PCDH19: variants seen among roughly 807,000 people sequenced by gnomAD.
PCDH19 encodes protocadherin-19.
In PCDH19, 6 loss-of-function variants were observed where a neutral mutation model predicts 46.2. That is an observed-to-expected ratio of 0.13 (90% CI 0.07 to 0.26). The LOEUF (loss-of-function observed/expected upper bound fraction) is 0.26, where lower values mean the gene tolerates loss of function less well. Ranked by LOEUF, PCDH19 falls within the 10% of genes least tolerant of loss-of-function variation. PCDH19 has a pLI of 1.00. For missense variants in PCDH19, 740 were observed against 972.3 expected, an observed-to-expected ratio of 0.76 and a Z score of 3.18; for synonymous variants, 481 against 415.7, an observed-to-expected ratio of 1.16 and a Z score of -1.91.
intron 3 of PCDH19, among the ~76,000 whole-genome samples, chrX:100,353,219 T>C (rs1322449646): frequency 8.9e-6 from 1 of 111,840 alleles, no homozygotes. Context: ...AACTAAATCA[T>C]TTTTTCAAGA....
chrX:100,394,883 ATTT>A (rs139332001), intron 3 of PCDH19, among the ~76,000 whole-genome samples: 1 of 71,571 alleles, frequency 1.4e-5, no homozygotes. Flanking sequence ...GAGGAATCTA[ATTT>A]TTTTTTTTTT....
Position 100,371,437 on chromosome X carries a change from T to A in PCDH19, c.2617-20733A>T, listed in dbSNP as rs189016040. ...GGCAAGTGTGTTTTGTCCTTAAATG[T>A]GTATTCTATACCTGGTAGGATATAA... On this transcript the variant is annotated intron_variant, in intron 3 of 5. Transcript: ENST00000373034. Among the ~76,000 whole-genome samples, 34 of 111,681 alleles carry A rather than the reference T, an allele frequency of 3.0e-4. No homozygotes were observed. In the East Asian group the frequency reaches 9.6e-3, roughly 31 times the overall value.
intron 3 of PCDH19, among the ~76,000 whole-genome samples, chrX:100,360,690 AC>A (rs1236571506): frequency 8.9e-6 from 1 of 111,959 alleles, no homozygotes; most frequent in African/African-American, 3.3e-5. Context: ...TCTAATTATG[AC>A]TGTAGTAAAT....
Position 100,296,759 on chromosome X carries a change from T to G in PCDH19, c.2965A>C (p.Asn989His), listed in dbSNP as rs201611496. ...GCTTCAATAGACAGCGCGATGATGT[T>G]CCTCACATGCTCAGGGGACTTGGAA... ...IRSKSPEHVRNIIALSIEATA... is the reference protein window; with the variant it reads ...IRSKSPEHVRHIIALSIEATA... Residue 989 changes from asparagine (N) to histidine (H), a missense_variant, in exon 6 of 6, where the codon AAC (asparagine) becomes CAC (histidine). Physicochemically the swap from Asn to His is moderately conservative, Grantham distance 68. Around this residue, in one of 5 missense-constraint regions of PCDH19, gnomAD observed 416 missense variants for 476.8 expected, o/e 0.87. Coordinates refer to ENST00000373034, the MANE Select transcript of PCDH19 (RefSeq NM_001184880.2). 170 of 1,209,314 alleles carry G rather than the reference T, an allele frequency of 1.4e-4. 1 individual carries two copies. The highest frequency in any genetic ancestry group is 1.8e-4 in the Non-Finnish European group (158 of 894,846).
chrX:100,305,336 T>C (rs775942396), intron 5 of PCDH19, among the ~76,000 whole-genome samples: 1 of 111,671 alleles, frequency 9.0e-6, no homozygotes, highest in African/African-American at 3.2e-5. Flanking sequence ...GCTTAATAAA[T>C]GAAGGAAAGA....
intron 5 of PCDH19, among the ~76,000 whole-genome samples, chrX:100,299,749 G>A (rs181791444): frequency 8.9e-6 from 1 of 111,997 alleles, no homozygotes; most frequent in East Asian, 2.8e-4. Context: ...ATCAGTCTAA[G>A]CCTCCCCACC....
chrX:100,357,314 T>G (rs1036696094), intron 3 of PCDH19, among the ~76,000 whole-genome samples: 2 of 111,964 alleles, frequency 1.8e-5, no homozygotes, highest in African/African-American at 6.5e-5. Context: ...ATGGGAGAAT[T>G]TGGCCCTCAT....
intron 3 of PCDH19, among the ~76,000 whole-genome samples, chrX:100,352,688 ATCTC>A (rs1329216270): frequency 9.1e-6 from 1 of 110,113 alleles, no homozygotes; most frequent in Non-Finnish European, 1.9e-5. Flanking sequence ...CTTCCTCCCC[ATCTC>A]TCTCTCTCTT....
chrX:100,327,936 T>G (rs1033630508), intron 5 of PCDH19, among the ~76,000 whole-genome samples: 13 of 111,933 alleles, frequency 1.2e-4, no homozygotes, highest in Non-Finnish European at 2.1e-4. Context: ...AATGAAAACT[T>G]AAGATACCAA....
chrX:100,296,686 C>T lies in PCDH19; in HGVS notation c.3038G>A (p.Arg1013Gln), dbSNP rs867719291. 1 of 1,211,318 alleles carries T rather than the reference C, an allele frequency of 8.3e-7. No individual in the cohort carries two copies. Among genetic ancestry groups the T allele is most frequent in the Non-Finnish European group, 1.1e-6 (1 of 895,454 alleles). The change falls in exon 6 of 6, where the codon CGG becomes CAG. Residue 1013 changes from arginine to glutamine, a missense_variant. Around this residue, in one of 5 missense-constraint regions of PCDH19, gnomAD observed 416 missense variants for 476.8 expected, o/e 0.87. Transcript: ENST00000373034. Reference sequence around the variant, plus strand: ...ATCTTTCCCAAAGGTTGCGAAAGTCCGTTTGGTGGGGCCGCAGTCGTCATA... The same window carrying T: ...ATCTTTCCCAAAGGTTGCGAAAGTCTGTTTGGTGGGGCCGCAGTCGTCATA... Reference protein sequence around the residue: ...EAYDDCGPTKRTFATFGKDVS... With the variant: ...EAYDDCGPTKQTFATFGKDVS...
At position 100,354,943 on chromosome X, in the gene PCDH19, TA is replaced by T. The variant is rs918766724; in HGVS notation, c.2617-4240del. 6.1e-3 allele frequency among the ~76,000 whole-genome samples: 665 copies of T among 108,469 alleles called. 7 individuals are homozygous for T. The highest frequency in any genetic ancestry group is 0.02 in the African/African-American group (595 of 30,014). The allele number at this position is 108,469 out of a possible 115,157, so 94.2% of individuals were successfully genotyped here. ...CTTTGGAAAAACCTAATTGTCACAT[TA>T]AAAAAAAATGGGTCTAGAGCAAACT... On this transcript the variant is annotated intron_variant, in intron 3 of 5. Transcript: ENST00000373034.
rs1924539137 is a variant in PCDH19 at position 100,294,795 on chromosome X, A to G, written c.*1482T>C. On this transcript the variant is annotated 3_prime_UTR_variant, in exon 6 of 6. Transcript: ENST00000373034. ...ACTATGTTGGCTAGTGAATATTAAT[A>G]GACAAAAGATAAATGGGGGAGTTAG... 1 of 112,429 alleles carries G rather than the reference A, an allele frequency of 8.9e-6. No individual in the cohort carries two copies. Among genetic ancestry groups the G allele is most frequent in the Non-Finnish European group, 1.9e-5 (1 of 53,245 alleles). 9.3% of individuals were successfully genotyped at this position (112,429 alleles called of 1,213,427 possible).
rs1251027399 is a variant in PCDH19 at position 100,406,494 on chromosome X, T to A, written c.2104A>T (p.Lys702Ter). The change falls in exon 1 of 6, where the codon AAG (lysine) becomes TAG (stop). Residue 702 changes from lysine (K) to a stop codon, truncating the protein, a stop_gained. Coordinates refer to ENST00000373034, the MANE Select transcript of PCDH19 (RefSeq NM_001184880.2). LOFTEE classifies it high-confidence loss of function. Reference sequence around the variant, plus strand: ...ATCTCTTTGTTGTCTCGCTTGCACTTGATTGCCACGAAGATCATAGTTACA... The same window carrying A: ...ATCTCTTTGTTGTCTCGCTTGCACTAGATTGCCACGAAGATCATAGTTACA... ...LFVTMIFVAI[K>*]CKRDNKEIRT... 1 of 1,208,264 alleles carries A rather than the reference T, an allele frequency of 8.3e-7. No individual in the cohort carries two copies. Among genetic ancestry groups the A allele is most frequent in the Admixed American group, 2.2e-5 (1 of 45,750 alleles).
At chrX:100,329,508 CAT>C (rs1440425674) in intron 5 of PCDH19, among the ~76,000 whole-genome samples, 1 of 112,347 alleles carries the variant, frequency 8.9e-6, no homozygotes, top group African/African-American at 3.2e-5. Flanking sequence ...TGTGTTCTGA[CAT>C]TAATAGAGTG....
intron 5 of PCDH19, among the ~76,000 whole-genome samples, chrX:100,333,371 A>G (rs1163161730): frequency 8.9e-6 from 1 of 111,746 alleles, no homozygotes; most frequent in Admixed American, 9.4e-5. Context: ...TTCACCTAGT[A>G]AATCACCCAA....
intron 5 of PCDH19, among the ~76,000 whole-genome samples, chrX:100,322,010 C>T (rs1046272913): frequency 3.7e-5 from 4 of 109,059 alleles, no homozygotes; most frequent in Non-Finnish European, 5.7e-5. Flanking sequence ...AGGATGGTCT[C>T]GATCTCCTGA....
chrX:100,375,993 T>C (rs1927367196), intron 3 of PCDH19, among the ~76,000 whole-genome samples: 1 of 110,782 alleles, frequency 9.0e-6, no homozygotes, highest in Non-Finnish European at 1.9e-5. Context: ...TCCCAGCCCT[T>C]TGGGAGGCTA....
intron 5 of PCDH19, among the ~76,000 whole-genome samples, chrX:100,300,942 T>A (rs1372294922): frequency 9.4e-6 from 1 of 106,247 alleles, no homozygotes; most frequent in Non-Finnish European, 1.9e-5. Flanking sequence ...AAAGCATCAG[T>A]CTTGCGAGGG....
At chrX:100,358,389 G>A (rs1174402251) in intron 3 of PCDH19, among the ~76,000 whole-genome samples, 1 of 112,112 alleles carries the variant, frequency 8.9e-6, no homozygotes, top group Non-Finnish European at 1.9e-5. Context: ...TAAATTGAAA[G>A]AATTCCCCTC....
Sources: gnomAD v4.1 joint callset for allele counts (sites outside exome capture counted in the v4.1 genomes callset) on GRCh38, gnomAD v4.1.1 for gene constraint, gnomAD v4.1.1 regional missense constraint, MANE v1.5 for transcripts, NCBI Gene and HGNC (gene_info 2026-07-23, HGNC 2026-07-21) for gene names.